The following ADAMTSL1 variants were observed in gnomAD, a reference collection of about 807,000 sequenced individuals.
ADAMTSL1 encodes ADAMTS-like protein 1.
Under a neutral mutation model 201.8 loss-of-function variants are expected in ADAMTSL1, and 126 were observed. The observed-to-expected ratio is 0.62, with a 90% CI of 0.54 to 0.72. The LOEUF (loss-of-function observed/expected upper bound fraction) is 0.72, where lower values mean the gene tolerates loss of function less well. Among genes scored for constraint, ADAMTSL1 ranks in the 30% least tolerant of loss-of-function variants. The pLI is 0.00. For missense variants in ADAMTSL1, 2,679 were observed against 2,277.8 expected (o/e 1.18, Z -3.59); for synonymous variants, 1,121 against 903.4 (o/e 1.24, Z -4.32).
intron 19 of ADAMTSL1, among the ~76,000 whole-genome samples, chr9:18,791,708 A>C (rs1040075937): frequency 6.6e-6 from 1 of 152,200 alleles, no homozygotes; most frequent in African/African-American, 2.4e-5. Context: ...GACAATATTT[A>C]AGACTGTTTT....
intron 2 of ADAMTSL1, among the ~76,000 whole-genome samples, chr9:18,217,600 A>G (rs1245125509): frequency 6.6e-6 from 1 of 152,108 alleles, no homozygotes; most frequent in African/African-American, 2.4e-5. Flanking sequence ...TATATGGACC[A>G]TGATGGACAT....
intron 1 of ADAMTSL1, among the ~76,000 whole-genome samples, chr9:17,997,432 A>G (rs113433120): frequency 0.04 from 6,083 of 152,172 alleles, 144 homozygotes; most frequent in South Asian, 0.083. Flanking sequence ...TCATATTAGA[A>G]ATGAGAACAT....
intron 2 of ADAMTSL1, among the ~76,000 whole-genome samples, chr9:18,271,978 T>C (rs1832388106): frequency 6.6e-6 from 1 of 150,964 alleles, no homozygotes; most frequent in Non-Finnish European, 1.5e-5. Context: ...TGTCTTCTTT[T>C]GAGAAGCGTC....
At chr9:18,710,300 C>A (rs898719854) in intron 14 of ADAMTSL1, among the ~76,000 whole-genome samples, 2 of 152,220 alleles carry the variant, frequency 1.3e-5, no homozygotes, top group Non-Finnish European at 2.9e-5. Context: ...GACCACAGGG[C>A]TGGCCCAAGA....
Position 18,714,462 on chromosome 9 carries a change from A to T in ADAMTSL1, c.1877-7074A>T, listed in dbSNP as rs531108312. On this transcript the variant is annotated intron_variant, in intron 14 of 28. Transcript: ENST00000380548. ...ACAAAGTACCATCAGAGAATACTACAAACACCTCTATGCAAATAAACTAGA... is the reference window on the plus strand; with the variant it reads ...ACAAAGTACCATCAGAGAATACTACTAACACCTCTATGCAAATAAACTAGA... Among the ~76,000 whole-genome samples, 169 of 152,308 alleles carry T rather than the reference A, an allele frequency of 1.1e-3. 1 individual carries two copies. The highest frequency in any genetic ancestry group is 3.8e-3 in the African/African-American group (159 of 41,568).
At chr9:18,573,480 T>A (rs543330975) in intron 3 of ADAMTSL1, 1 of 155,836 alleles carries the variant, frequency 6.4e-6, no homozygotes, top group Non-Finnish European at 1.5e-5. Flanking sequence ...TGGTTTCATA[T>A]TTTTTGTTCC....
chr9:18,488,056 A>T (rs980900239), intron 1 of ADAMTSL1, among the ~76,000 whole-genome samples: 2 of 152,248 alleles, frequency 1.3e-5, no homozygotes, highest in Non-Finnish European at 2.9e-5. Flanking sequence ...GCAATGCTGT[A>T]TCAGTCTTTC....
intron 2 of ADAMTSL1, among the ~76,000 whole-genome samples, chr9:18,332,989 A>G (rs1835092819): frequency 6.6e-6 from 1 of 152,082 alleles, no homozygotes; most frequent in Non-Finnish European, 1.5e-5. Context: ...GCACCCAACC[A>G]TTGTTGGCAC....
intron 2 of ADAMTSL1, among the ~76,000 whole-genome samples, chr9:18,326,836 T>A (rs1311548689): frequency 6.6e-6 from 1 of 152,254 alleles, no homozygotes; most frequent in Non-Finnish European, 1.5e-5. Flanking sequence ...TATATGAGAA[T>A]GTCTCTAATA....
At chr9:18,740,050 G>C (rs989593104) in intron 15 of ADAMTSL1, among the ~76,000 whole-genome samples, 1 of 152,106 alleles carries the variant, frequency 6.6e-6, no homozygotes, top group Non-Finnish European at 1.5e-5. Context: ...ATGGGAAATG[G>C]CTTCATCTTT....
chr9:17,935,587 A>T (rs1283198680), intron 1 of ADAMTSL1, among the ~76,000 whole-genome samples: 1 of 152,144 alleles, frequency 6.6e-6, no homozygotes, highest in Non-Finnish European at 1.5e-5. Flanking sequence ...TCCCAAAGCC[A>T]TTGCCAATGA....
At chr9:18,865,014 T>C (rs942078835) in intron 23 of ADAMTSL1, among the ~76,000 whole-genome samples, 1 of 152,172 alleles carries the variant, frequency 6.6e-6, no homozygotes, top group African/African-American at 2.4e-5. Context: ...CTATTATAAC[T>C]TTGAATATTT....
chr9:17,918,170 C>T (rs10733344), intron 1 of ADAMTSL1, among the ~76,000 whole-genome samples: 147,710 of 151,808 alleles, frequency 0.97, 71,913 homozygotes, highest in East Asian at 1. Flanking sequence ...TTCCTCTCTT[C>T]ATTAATTTTT....
In ADAMTSL1 at chr9:18,839,722, C is replaced by G. The variant is rs1588205781; in HGVS notation, c.4249+9745C>G. 1.3e-5 allele frequency among the ~76,000 whole-genome samples: 2 copies of G among 152,100 alleles called. 1 individual carries two copies. Among genetic ancestry groups the G allele is most frequent in the South Asian group, 4.1e-4 (2 of 4,822 alleles). The stretch of plus-strand genomic sequence containing the variant: ...TGTTTCCTGACTTTTTAATGATTGC[C>G]ATTACTAACTGGTGTGAGGTGGTAT... On this transcript the variant is annotated intron_variant, in intron 23 of 28. Coordinates refer to ENST00000380548, the MANE Select transcript of ADAMTSL1 (RefSeq NM_001040272.6).
chr9:17,982,209 A>C (rs570565578), intron 1 of ADAMTSL1, among the ~76,000 whole-genome samples: 1 of 152,322 alleles, frequency 6.6e-6, no homozygotes, highest in African/African-American at 2.4e-5. Flanking sequence ...GCATGACATT[A>C]GTTTGGTGAT....
chr9:18,507,122 A>C (rs1455870149), intron 2 of ADAMTSL1, among the ~76,000 whole-genome samples: 1 of 152,348 alleles, frequency 6.6e-6, no homozygotes, highest in South Asian at 2.1e-4. Context: ...ATATTTTGAC[A>C]TCATTCTTCA....
rs1389354728 is a variant in ADAMTSL1, at chr9:18,408,734, C to T, written c.208-96095C>T. 2.0e-5 allele frequency among the ~76,000 whole-genome samples: 3 copies of T among 152,282 alleles called. No individual in the cohort carries two copies. In the East Asian group the frequency reaches 5.8e-4, roughly 29 times the overall value. Reference sequence around the variant, plus strand: ...AGTTGTTAGTAAATATCACAACTATCCCCATTGCTATCCACAAAGATTTCT... The same window carrying T: ...AGTTGTTAGTAAATATCACAACTATTCCCATTGCTATCCACAAAGATTTCT... On this transcript the variant is annotated intron_variant, in intron 2 of 29. Transcript: ENST00000680146.
intron 4 of ADAMTSL1, among the ~76,000 whole-genome samples, chr9:18,590,025 T>A (rs1587654613): frequency 6.6e-6 from 1 of 152,272 alleles, no homozygotes. Context: ...CCTGTAGTTT[T>A]CTTTTTGGTT....
intron 22 of ADAMTSL1, 63 bp downstream of exon 22, chr9:18,826,526 C>G: frequency 1.3e-6 from 2 of 1,538,052 alleles, no homozygotes; most frequent in Non-Finnish European, 8.8e-7. Flanking sequence ...CTAACCCACC[C>G]TCTACCTCCT....
Sources: allele counts gnomAD v4.1 joint callset (sites outside exome capture counted in the v4.1 genomes callset), GRCh38; gene constraint gnomAD v4.1.1; transcripts MANE v1.5; gene names NCBI Gene and HGNC (gene_info 2026-07-23, HGNC 2026-07-21).